Variants in CACNA2D3 observed in about 807,000 individuals in gnomAD.
The protein encoded by CACNA2D3 is calcium voltage-gated channel auxiliary subunit alpha2delta 3.
In CACNA2D3, 60 loss-of-function variants were observed where a neutral mutation model predicts 160.6. The observed-to-expected ratio is 0.37, with a 90% CI of 0.30 to 0.46. The LOEUF is 0.46. Ranked by LOEUF, CACNA2D3 falls within the 20% of genes least tolerant of loss-of-function variation. CACNA2D3 has a pLI of 1.00. For missense variants in CACNA2D3, 1,205 were observed against 1,365.0 expected (o/e 0.88, Z 1.85); for synonymous variants, 558 against 492.9 (o/e 1.13, Z -1.75).
At chr3:54,854,879 A>C (rs997034460) in intron 17 of CACNA2D3, among the ~76,000 whole-genome samples, 4 of 152,186 alleles carry the variant, frequency 2.6e-5, no homozygotes, top group African/African-American at 9.7e-5. Flanking sequence ...AACCAAGAAG[A>C]CAGCTATAGA....
chr3:54,901,040 A>G (rs967311272), intron 27 of CACNA2D3: 21 of 152,166 alleles, frequency 1.4e-4, no homozygotes, highest in African/African-American at 4.1e-4. Context: ...CTGAGGATTC[A>G]CAGTTGCTGT....
chr3:54,411,905 C>A (rs1056980443), intron 4 of CACNA2D3, among the ~76,000 whole-genome samples: 1 of 152,110 alleles, frequency 6.6e-6, no homozygotes, highest in Non-Finnish European at 1.5e-5. Context: ...TTTTTTATTT[C>A]ACTTTGTAAA....
At chr3:54,958,034 C>T (rs1300059287) in intron 27 of CACNA2D3, among the ~76,000 whole-genome samples, 1 of 152,208 alleles carries the variant, frequency 6.6e-6, no homozygotes, top group African/African-American at 2.4e-5. Context: ...TGCATTCAAC[C>T]ACCCCGTGTG....
chr3:54,345,011 C>T (rs918475812), intron 3 of CACNA2D3, among the ~76,000 whole-genome samples: 1 of 152,196 alleles, frequency 6.6e-6, no homozygotes, highest in African/African-American at 2.4e-5. Flanking sequence ...TTTACAATTG[C>T]CATGGCAACG....
At chr3:54,895,923 G>T (rs1700177812) in intron 25 of CACNA2D3, among the ~76,000 whole-genome samples, 1 of 152,204 alleles carries the variant, frequency 6.6e-6, no homozygotes, top group African/African-American at 2.4e-5. Context: ...CCTGTCCTCA[G>T]AGATCTTGGG....
rs1214395409 is a variant in CACNA2D3 at position 54,321,922 on chromosome 3, C to CAAAAAA, written c.321+1379_321+1384dup. Among the ~76,000 whole-genome samples, 6 of 100,680 alleles carry CAAAAAA rather than the reference C, an allele frequency of 6.0e-5. No individual in the cohort carries two copies. The East Asian group carries it at 1.7e-3, about 29-fold the overall frequency. The allele number at this position is 100,680 out of a possible 152,430, so 66.0% of individuals were successfully genotyped here. A position where few individuals can be genotyped will look rare whatever the true frequency, so the allele number is the denominator to read the frequency against. ...AAGTGCTTATTTTCTGAAATCCTTG[C>CAAAAAA]AAAAAAAAAAAAAAAAAAAACTAGT... On this transcript the variant is annotated intron_variant, in intron 3 of 37. Coordinates refer to ENST00000474759, the MANE Select transcript of CACNA2D3 (RefSeq NM_018398.3).
chr3:54,844,059 C>A (rs1698879637), intron 16 of CACNA2D3, among the ~76,000 whole-genome samples: 1 of 151,996 alleles, frequency 6.6e-6, no homozygotes, highest in African/African-American at 2.4e-5. Context: ...GTCACTGCAG[C>A]TTATTGAGGG....
At chr3:54,731,263 C>G (rs749521189) in intron 11 of CACNA2D3, among the ~76,000 whole-genome samples, 5 of 152,202 alleles carry the variant, frequency 3.3e-5, no homozygotes, top group Non-Finnish European at 7.4e-5. Context: ...CAAAGTCATA[C>G]TGCCTTCTGA....
chr3:55,043,324 CTCTT>C (rs534667609), intron 35 of CACNA2D3, among the ~76,000 whole-genome samples: 53 of 144,984 alleles, frequency 3.7e-4, no homozygotes, highest in East Asian at 1.7e-3. Context: ...CTCCCTCCCT[CTCTT>C]TCTTTCTTTC....
intron 35 of CACNA2D3, among the ~76,000 whole-genome samples, chr3:55,055,205 G>C (rs1249589346): frequency 1.3e-5 from 2 of 152,052 alleles, no homozygotes; most frequent in African/African-American, 4.8e-5. Flanking sequence ...TTACATGTAA[G>C]TCTTTAATCT....
chr3:54,752,685 T>C lies in CACNA2D3; in HGVS notation c.1246+8T>C. The C allele has an allele frequency of 6.2e-7, 1 of 1,607,058 alleles. No individual in the cohort carries two copies. The highest frequency in any genetic ancestry group is 2.2e-5 in the East Asian group (1 of 44,672). On this transcript the variant is annotated splice_region_variant and intron_variant, in intron 12 of 37. Coordinates refer to ENST00000474759, the MANE Select transcript of CACNA2D3 (RefSeq NM_018398.3). ...TGGCCTGTGCCAACAAAGGTGGGTC[T>C]TCGCATTGTGCTCGGCTCTGAATAA...
chr3:54,703,457 G>A (rs1020892100), intron 11 of CACNA2D3, among the ~76,000 whole-genome samples: 1 of 152,220 alleles, frequency 6.6e-6, no homozygotes, highest in Middle Eastern at 3.4e-3. Flanking sequence ...GATAACTAGT[G>A]TCCCTACAAT....
chr3:54,309,636 A>C (rs1241183841), intron 2 of CACNA2D3, among the ~76,000 whole-genome samples: 1 of 152,112 alleles, frequency 6.6e-6, no homozygotes, highest in Admixed American at 6.5e-5. Flanking sequence ...CTCTGGGGGC[A>C]CTGGGCCTGG....
intron 2 of CACNA2D3, among the ~76,000 whole-genome samples, chr3:54,309,950 T>C (rs191201513): frequency 6.6e-6 from 1 of 152,048 alleles, no homozygotes; most frequent in African/African-American, 2.4e-5. Flanking sequence ...TTCAGTGCCA[T>C]GTCCTCTTCT....
intron 2 of CACNA2D3, among the ~76,000 whole-genome samples, chr3:54,217,142 G>A (rs1372750530): frequency 6.6e-6 from 1 of 152,202 alleles, no homozygotes; most frequent in Non-Finnish European, 1.5e-5. Context: ...GAGGGCTGCA[G>A]ATGGGGCCTG....
At position 55,011,992 on chromosome 3, in the gene CACNA2D3, G is replaced by A. The variant is rs367704066; in HGVS notation, c.2875+2549G>A. On this transcript the variant is annotated intron_variant, in intron 34 of 37. Transcript: ENST00000474759. ...AAATGAGTTGCAAGTTGGTTAAATG[G>A]CTGCTGTCTCTGCGGCACCAGTGAC... Among the ~76,000 whole-genome samples the A allele has an allele frequency of 2.0e-5, 3 of 152,120 alleles. No individual in the cohort carries two copies. The East Asian group carries it at 5.8e-4, about 29-fold the overall frequency.
rs550712414 is a variant in CACNA2D3, at chr3:54,355,862, T to G, written c.322-30853T>G. On this transcript the variant is annotated intron_variant, in intron 3 of 37. Coordinates refer to ENST00000474759, the MANE Select transcript of CACNA2D3 (RefSeq NM_018398.3). The stretch of plus-strand genomic sequence containing the variant: ...CCCATTTCGAAGCATAAACTCGAGT[T>G]AGTCTGGAGACTTCATAGTGCAAAG... Among the ~76,000 whole-genome samples the G allele has an allele frequency of 6.6e-5, 10 of 152,286 alleles. No homozygotes were observed. In the East Asian group the frequency reaches 1.9e-3, roughly 29 times the overall value.
At chr3:54,375,749 G>A (rs970027329) in intron 3 of CACNA2D3, among the ~76,000 whole-genome samples, 6 of 152,054 alleles carry the variant, frequency 3.9e-5, no homozygotes, top group African/African-American at 1.2e-4. Context: ...TGGCAACCAT[G>A]TGAGATTGCC....
intron 35 of CACNA2D3, among the ~76,000 whole-genome samples, chr3:55,063,233 G>A (rs960938276): frequency 6.6e-6 from 1 of 152,112 alleles, no homozygotes; most frequent in Non-Finnish European, 1.5e-5. Context: ...GGTGAGAAAG[G>A]CAGAATCATA....
Sources: allele counts gnomAD v4.1 joint callset (sites outside exome capture counted in the v4.1 genomes callset), GRCh38; gene constraint gnomAD v4.1.1; transcripts MANE v1.5; gene names NCBI Gene and HGNC (gene_info 2026-07-23, HGNC 2026-07-21).